Variants in ABCA13 observed in about 807,000 individuals in gnomAD.
ABCA13 encodes ATP binding cassette subfamily A member 13, also known as ATP-binding cassette sub-family A member 13.
A neutral mutation model predicts 478.7 loss-of-function variants in ABCA13; 476 were observed. The observed-to-expected ratio is 0.99, with a 90% confidence interval of 0.92 to 1.07. ABCA13 has a LOEUF of 1.07. ABCA13 is among the 50% of genes least tolerant of loss of function. ABCA13 has a pLI of 0.00. For synonymous variants in ABCA13, 2,252 were observed against 2,158.9 expected (o/e 1.04, Z -1.20); for missense variants, 6,060 against 5,910.6 (o/e 1.03, Z -0.83).
chr7:48,585,786 T>G (rs35568687), intron 56 of ABCA13, among the ~76,000 whole-genome samples: 14,424 of 152,202 alleles, frequency 0.095, 1,158 homozygotes, highest in African/African-American at 0.22. Flanking sequence ...GCTATATGAT[T>G]ATATCTAAAA....
At position 48,388,618 on chromosome 7, in the gene ABCA13, C is replaced by G. The variant is rs150773840; in HGVS notation, c.11474-422C>G. Among the ~76,000 whole-genome samples the G allele has an allele frequency of 2.5e-4, 38 of 152,296 alleles. No homozygotes were observed. In the East Asian group the frequency reaches 7.3e-3, roughly 29 times the overall value. ...TTAGATTACAAGTCAACATTCTAAT[C>G]TAAACAATCTAAATATTTTTCTGAA... is the stretch of plus-strand genomic sequence containing the variant. On this transcript the variant is annotated intron_variant, in intron 36 of 61. Coordinates refer to ENST00000435803, the MANE Select transcript of ABCA13 (RefSeq NM_152701.5).
intron 23 of ABCA13, among the ~76,000 whole-genome samples, chr7:48,309,228 C>T (rs996344261): frequency 5.9e-5 from 9 of 152,078 alleles, no homozygotes; most frequent in African/African-American, 2.2e-4. Flanking sequence ...CCTCAGTTGG[C>T]CTGAATGTTT....
At chr7:48,500,275 T>C (rs764670108) in intron 48 of ABCA13, among the ~76,000 whole-genome samples, 2 of 152,028 alleles carry the variant, frequency 1.3e-5, no homozygotes, top group Non-Finnish European at 2.9e-5. Flanking sequence ...GAACAAGGGG[T>C]ATCATGGGAA....
In ABCA13 at chr7:48,297,277, C is replaced by A. The variant is rs1396193693; in HGVS notation, c.9165C>A (p.Ile3055=). ...AAACTTGGTCATCAGGGAATCCCAT[C>A]ATGACTTTTCTCAGCAATTTCACAG... ...LEETWSSGNP[I]MTFLSNFTVT... is the part of the protein sequence containing the mutation. Residue 3055 remains isoleucine (I), a synonymous_variant, in exon 22 of 62, where the codon ATC becomes ATA. Transcript: ENST00000435803. 2 of 1,609,582 alleles carry A rather than the reference C, an allele frequency of 1.2e-6. No homozygotes were observed. Among genetic ancestry groups the A allele is most frequent in the Non-Finnish European group, 1.7e-6 (2 of 1,177,870 alleles).
intron 59 of ABCA13, among the ~76,000 whole-genome samples, chr7:48,632,610 T>A (rs571194460): frequency 2.6e-5 from 4 of 152,114 alleles, no homozygotes; most frequent in Non-Finnish European, 4.4e-5. Flanking sequence ...GTGTGTGAGG[T>A]AGGGTCCCAA....
At chr7:48,503,868 C>T (rs1830968021) in intron 48 of ABCA13, among the ~76,000 whole-genome samples, 2 of 151,992 alleles carry the variant, frequency 1.3e-5, no homozygotes, top group Admixed American at 1.3e-4. Context: ...TCTGAGGCAC[C>T]CCTATAGTGT....
In ABCA13 at chr7:48,230,547, G is replaced by C. The variant is rs530463495; in HGVS notation, c.763+592G>C. ...TATTTCTCTAAGGGAAATACAGTGA[G>C]AGAACAACAAAGTTGGAATTCATCC... is the stretch of plus-strand genomic sequence containing the variant. On this transcript the variant is annotated intron_variant, in intron 7 of 61. Coordinates refer to ENST00000435803, the MANE Select transcript of ABCA13 (RefSeq NM_152701.5). Among the ~76,000 whole-genome samples, 33 of 152,190 alleles carry C rather than the reference G, an allele frequency of 2.2e-4. No individual in the cohort carries two copies. In the South Asian group the frequency reaches 6.0e-3, roughly 28 times the overall value.
chr7:48,247,566 C>T (rs1018939333), intron 13 of ABCA13, among the ~76,000 whole-genome samples: 28 of 152,050 alleles, frequency 1.8e-4, no homozygotes, highest in African/African-American at 4.8e-4. Flanking sequence ...GACCAGTCTC[C>T]GTGGGGTGGT....
chr7:48,576,176 C>G (rs1410703404), intron 55 of ABCA13, among the ~76,000 whole-genome samples: 1 of 150,126 alleles, frequency 6.7e-6, no homozygotes, highest in African/African-American at 2.4e-5. Context: ...TTTTAGTATC[C>G]AAAGGGAGTC....
chr7:48,641,828 G>A (rs1004665762), intron 59 of ABCA13, among the ~76,000 whole-genome samples: 2 of 152,098 alleles, frequency 1.3e-5, no homozygotes, highest in Non-Finnish European at 2.9e-5. Flanking sequence ...TTCATGAAAC[G>A]TGGACATATA....
intron 55 of ABCA13, among the ~76,000 whole-genome samples, chr7:48,567,618 C>T (rs928910298): frequency 7.3e-5 from 11 of 151,704 alleles, no homozygotes; most frequent in African/African-American, 2.4e-4. Context: ...GTATATAATA[C>T]TCATAAATCA....
At chr7:48,339,921 G>A (rs1806868938) in intron 29 of ABCA13, among the ~76,000 whole-genome samples, 2 of 152,048 alleles carry the variant, frequency 1.3e-5, no homozygotes, top group Admixed American at 6.5e-5. Context: ...TTGTAACTAT[G>A]CTAACAAATG....
intron 45 of ABCA13, among the ~76,000 whole-genome samples, chr7:48,476,528 G>A (rs1468329620): frequency 6.6e-6 from 1 of 151,698 alleles, no homozygotes; most frequent in African/African-American, 2.4e-5. Flanking sequence ...TAGGTTGGGG[G>A]TTGGGGAGCG....
intron 42 of ABCA13, among the ~76,000 whole-genome samples, chr7:48,445,656 G>A (rs1411443772): frequency 6.6e-6 from 1 of 152,088 alleles, no homozygotes; most frequent in East Asian, 1.9e-4. Context: ...CTTCCCTCCT[G>A]ATAAATGCTC....
chr7:48,388,401 C>T (rs998013221), intron 36 of ABCA13, among the ~76,000 whole-genome samples: 5 of 152,114 alleles, frequency 3.3e-5, no homozygotes, highest in African/African-American at 1.2e-4. Context: ...TATCACTGTC[C>T]CTTACAAATA....
At chr7:48,488,800 T>A (rs1829577800) in intron 47 of ABCA13, among the ~76,000 whole-genome samples, 1 of 152,176 alleles carries the variant, frequency 6.6e-6, no homozygotes, top group Non-Finnish European at 1.5e-5. Flanking sequence ...CAGCAAATGT[T>A]CAGTTCAGTT....
At chr7:48,634,369 A>T (rs943632568) in intron 59 of ABCA13, among the ~76,000 whole-genome samples, 1 of 152,240 alleles carries the variant, frequency 6.6e-6, no homozygotes, top group African/African-American at 2.4e-5. Flanking sequence ...GTTTGTGAAA[A>T]ATTGGTATTA....
chr7:48,202,914 G>C (rs1259826948), intron 3 of ABCA13, among the ~76,000 whole-genome samples: 4 of 151,886 alleles, frequency 2.6e-5, no homozygotes, highest in Non-Finnish European at 4.4e-5. Context: ...GTGCGCCCGC[G>C]CTCCTCAGCC....
chr7:48,601,594 T>C (rs1348752065), intron 58 of ABCA13, among the ~76,000 whole-genome samples: 2 of 152,248 alleles, frequency 1.3e-5, no homozygotes, highest in Non-Finnish European at 2.9e-5. Flanking sequence ...GATGTATATG[T>C]ACCACATTTT....
Sources: allele counts gnomAD v4.1 joint callset (sites outside exome capture counted in the v4.1 genomes callset), GRCh38; gene constraint gnomAD v4.1.1; transcripts MANE v1.5; gene names NCBI Gene and HGNC (gene_info 2026-07-23, HGNC 2026-07-21).